The following RBFOX1 variants were observed in gnomAD, a reference collection of about 807,000 sequenced individuals.
RBFOX1 encodes the protein RNA binding fox-1 homolog 1.
Under a neutral mutation model 57.7 loss-of-function variants are expected in RBFOX1, and 8 were observed. The ratio of observed to expected loss-of-function variants is 0.14; its 90% CI spans 0.08 to 0.25. RBFOX1 has a LOEUF of 0.25. RBFOX1 is among the 10% of genes least tolerant of loss of function. RBFOX1 has a pLI of 1.00. For missense variants in RBFOX1, 611 were observed against 548.5 expected (o/e 1.11, Z -1.14); for synonymous variants, 326 against 222.4 (o/e 1.47, Z -4.15).
At chr16:7,668,068 C>A (rs1315952628) in intron 13 of RBFOX1, among the ~76,000 whole-genome samples, 1 of 152,162 alleles carries the variant, frequency 6.6e-6, no homozygotes, top group South Asian at 2.1e-4. Flanking sequence ...ATTCTTCCTG[C>A]TCAAAATGTT....
At chr16:6,946,134 C>G (rs13330327) in intron 3 of RBFOX1, among the ~76,000 whole-genome samples, 33,837 of 152,128 alleles carry the variant, frequency 0.22, 3,876 homozygotes, top group African/African-American at 0.24. Flanking sequence ...TTCCTTGCTT[C>G]TCAAGTGGGA....
intron 3 of RBFOX1, among the ~76,000 whole-genome samples, chr16:5,730,649 C>T (rs1268356982): frequency 6.6e-6 from 1 of 151,450 alleles, no homozygotes; most frequent in South Asian, 2.1e-4. Context: ...TACCACACCA[C>T]CACCATCGTT....
intron 1 of RBFOX1, among the ~76,000 whole-genome samples, chr16:5,367,547 T>C (rs1013936897): frequency 5.9e-5 from 9 of 151,990 alleles, no homozygotes; most frequent in Non-Finnish European, 1.3e-4. Context: ...TTTGGAGTGT[T>C]AGGTTCTTAC....
At chr16:6,512,125 A>C (rs933945517) in intron 2 of RBFOX1, among the ~76,000 whole-genome samples, 4 of 151,430 alleles carry the variant, frequency 2.6e-5, no homozygotes, top group Non-Finnish European at 5.9e-5. Flanking sequence ...AAATGAAAAA[A>C]AAAAAGGAAT....
At chr16:6,352,910 A>G (rs2086658033) in intron 2 of RBFOX1, among the ~76,000 whole-genome samples, 1 of 152,206 alleles carries the variant, frequency 6.6e-6, no homozygotes, top group Non-Finnish European at 1.5e-5. Context: ...TGAACTAAAG[A>G]GAAAAAGGGA....
chr16:7,552,445 G>A (rs2086849981), intron 5 of RBFOX1, among the ~76,000 whole-genome samples: 1 of 152,018 alleles, frequency 6.6e-6, no homozygotes, highest in African/African-American at 2.4e-5. Context: ...TTAGCAGCAG[G>A]GTGTCTTCAG....
intron 4 of RBFOX1, among the ~76,000 whole-genome samples, chr16:7,119,192 C>T (rs1600056898): frequency 6.6e-6 from 1 of 152,258 alleles, no homozygotes; most frequent in East Asian, 1.9e-4. Flanking sequence ...ACAGAAATCC[C>T]ACCCACAAGC....
chr16:6,199,556 C>G (rs754618078), intron 1 of RBFOX1, among the ~76,000 whole-genome samples: 9 of 152,156 alleles, frequency 5.9e-5, no homozygotes, highest in Non-Finnish European at 1.2e-4. Context: ...TAGTGCTTTT[C>G]TAGCACATTG....
chr16:5,897,832 CTCTT>C (rs1378490716), intron 4 of RBFOX1, among the ~76,000 whole-genome samples: 2 of 138,010 alleles, frequency 1.4e-5, no homozygotes, highest in Non-Finnish European at 3.1e-5. Flanking sequence ...CATTTAACTT[CTCTT>C]TTTTTTTTTT....
chr16:5,872,877 G>A (rs538159188), intron 4 of RBFOX1, among the ~76,000 whole-genome samples: 25 of 152,332 alleles, frequency 1.6e-4, no homozygotes, highest in African/African-American at 6.0e-4. Flanking sequence ...AATAATTAGG[G>A]TGTGGTGGCT....
chr16:6,452,078 C>T (rs946105230), intron 2 of RBFOX1, among the ~76,000 whole-genome samples: 3 of 148,752 alleles, frequency 2.0e-5, no homozygotes, highest in Non-Finnish European at 3.0e-5. Context: ...TTCCATGACT[C>T]CATCCATGGC....
rs146982308 is a variant in RBFOX1 at position 5,417,899 on chromosome 16, A to G, written c.220-49317A>G. ...AGTTTGAGATCATCCTGGCGAACATAGTGGAACCGCATCTCTACTAAAAAT... is the reference window on the plus strand; with the variant it reads ...AGTTTGAGATCATCCTGGCGAACATGGTGGAACCGCATCTCTACTAAAAAT... On this transcript the variant is annotated intron_variant, in intron 1 of 2. Coordinates refer to the RBFOX1 transcript ENST00000585867. 8.7e-4 allele frequency among the ~76,000 whole-genome samples: 132 copies of G among 152,192 alleles called. No individual in the cohort carries two copies. The East Asian group carries it at 0.021, about 24-fold the overall frequency.
At chr16:6,310,570 A>T (rs1052371688) in intron 1 of RBFOX1, among the ~76,000 whole-genome samples, 1 of 152,214 alleles carries the variant, frequency 6.6e-6, no homozygotes, top group African/African-American at 2.4e-5. Flanking sequence ...ATGGACAAAA[A>T]AACTGAAGCT....
At chr16:5,798,046 A>C (rs2054936220) in intron 3 of RBFOX1, among the ~76,000 whole-genome samples, 1 of 152,182 alleles carries the variant, frequency 6.6e-6, no homozygotes, top group Admixed American at 6.5e-5. Context: ...CTGAGTTTGA[A>C]TATTGGTTTC....
At chr16:5,726,490 C>G (rs528994765) in intron 3 of RBFOX1, among the ~76,000 whole-genome samples, 1 of 152,308 alleles carries the variant, frequency 6.6e-6, no homozygotes, top group African/African-American at 2.4e-5. Context: ...CTTTCCTTCA[C>G]TCTGTGGTGA....
rs564350069 is a variant in RBFOX1, at chr16:6,031,627, G to A, written c.-127+11635G>A. The stretch of plus-strand genomic sequence containing the variant: ...TGCATTTTTGTGTACATTTCTGCAC[G>A]TGTGTGTATGTATGTACATGCATGT... On this transcript the variant is annotated intron_variant, in intron 1 of 15. Coordinates refer to ENST00000550418, the MANE Select transcript of RBFOX1 (RefSeq NM_018723.4). 3.3e-5 allele frequency among the ~76,000 whole-genome samples: 5 copies of A among 152,326 alleles called. No homozygotes were observed. In the East Asian group the frequency reaches 5.8e-4, roughly 18 times the overall value.
chr16:6,287,759 C>G (rs1297357371), intron 1 of RBFOX1, among the ~76,000 whole-genome samples: 1 of 152,080 alleles, frequency 6.6e-6, no homozygotes, highest in Non-Finnish European at 1.5e-5. Flanking sequence ...CTCCATTTAT[C>G]GTCATCTGAT....
At chr16:7,063,700 A>AG (rs145336970) in intron 4 of RBFOX1, among the ~76,000 whole-genome samples, 4,283 of 152,282 alleles carry the variant, frequency 0.028, 208 homozygotes, top group African/African-American at 0.098. Flanking sequence ...AAATATATTT[A>AG]GGGGGAAAAA....
intron 3 of RBFOX1, among the ~76,000 whole-genome samples, chr16:6,993,832 A>C (rs907867696): frequency 6.6e-6 from 1 of 152,036 alleles, no homozygotes; most frequent in Non-Finnish European, 1.5e-5. Flanking sequence ...TTGCATGAAC[A>C]CTCCAAAATG....
Sources: allele counts gnomAD v4.1 joint callset (sites outside exome capture counted in the v4.1 genomes callset), GRCh38; gene constraint gnomAD v4.1.1; transcripts MANE v1.5; gene names NCBI Gene and HGNC (gene_info 2026-07-23, HGNC 2026-07-21).